The following BBX variants were observed in gnomAD, a reference collection of about 807,000 sequenced individuals.
BBX encodes the protein HMG box transcription factor BBX.
Under a neutral mutation model 100.2 loss-of-function variants are expected in BBX, and 30 were observed. The observed-to-expected ratio is 0.30, with a 90% confidence interval of 0.22 to 0.41. The LOEUF is 0.41. Among genes scored for constraint, BBX ranks in the 10% least tolerant of loss-of-function variants. The pLI is 1.00. For missense variants in BBX, 1,023 were observed against 1,129.8 expected, an observed-to-expected ratio of 0.91 and a Z score of 1.35; for synonymous variants, 376 against 388.1, an observed-to-expected ratio of 0.97 and a Z score of 0.37.
rs141192440 is a variant in BBX, at chr3:107,781,920, T to C, written c.2203+3401T>C. On this transcript the variant is annotated intron_variant, in intron 13 of 17. Transcript: ENST00000325805. ...GAATAAAAGAAGCAGGTTTACAAGA[T>C]TGAAAAGACAGAATCCTCTGTTTGA... is the stretch of plus-strand genomic sequence containing the variant. Among the ~76,000 whole-genome samples, 950 of 152,248 alleles carry C rather than the reference T, an allele frequency of 6.2e-3. 9 individuals are homozygous for C. The highest frequency in any genetic ancestry group is 0.022 in the African/African-American group (896 of 41,570).
chr3:107,797,335 C>G (rs1380143698), intron 15 of BBX, among the ~76,000 whole-genome samples: 1 of 40,188 alleles, frequency 2.5e-5, no homozygotes, highest in Non-Finnish European at 3.9e-5. Flanking sequence ...GCTTTTCTTC[C>G]AAATATATAT....
chr3:107,624,525 T>G (rs2056026566), intron 2 of BBX, among the ~76,000 whole-genome samples: 1 of 152,228 alleles, frequency 6.6e-6, no homozygotes, highest in Admixed American at 6.5e-5. Context: ...ACTAAAAATG[T>G]ATAACATATT....
chr3:107,612,607 T>A (rs2054923178), intron 2 of BBX, among the ~76,000 whole-genome samples: 2 of 152,172 alleles, frequency 1.3e-5, no homozygotes. Flanking sequence ...GGAATCTCTT[T>A]GTCTATGCTG....
intron 13 of BBX, among the ~76,000 whole-genome samples, chr3:107,788,376 G>A (rs2068648909): frequency 6.6e-6 from 1 of 152,180 alleles, no homozygotes; most frequent in Admixed American, 6.5e-5. Flanking sequence ...TACAGGAACA[G>A]CCTGGTGCAA....
intron 2 of BBX, among the ~76,000 whole-genome samples, chr3:107,543,319 T>G (rs1405243365): frequency 6.6e-6 from 1 of 152,238 alleles, no homozygotes; most frequent in Non-Finnish European, 1.5e-5. Context: ...GTTTGGTGTT[T>G]TGCTGTAGAA....
intron 15 of BBX, among the ~76,000 whole-genome samples, chr3:107,796,733 A>AG (rs1214622602): frequency 6.6e-6 from 1 of 152,160 alleles, no homozygotes; most frequent in Non-Finnish European, 1.5e-5. Context: ...AAAAAAAAAA[A>AG]ACTTAAAATA....
chr3:107,638,407 G>A (rs1349664977), intron 2 of BBX: 1 of 152,096 alleles, frequency 6.6e-6, no homozygotes, highest in East Asian at 1.9e-4. Flanking sequence ...TTGTCCCAAG[G>A]ATAACTGCTT....
chr3:107,584,080 TATATATATC>T (rs1576391337), intron 2 of BBX, among the ~76,000 whole-genome samples: 3 of 25,022 alleles, frequency 1.2e-4, no homozygotes, highest in East Asian at 5.1e-4. Context: ...TTATATATAT[TATATATATC>T]ATATATTATA....
chr3:107,678,802 A>G, intron 3 of BBX, among the ~76,000 whole-genome samples: 1 of 152,190 alleles, frequency 6.6e-6, no homozygotes. Flanking sequence ...ATTAATTATG[A>G]TGATAATGAT....
At chr3:107,567,374 AG>A (rs66926569) in intron 2 of BBX, among the ~76,000 whole-genome samples, 2,350 of 152,134 alleles carry the variant, frequency 0.015, 65 homozygotes, top group African/African-American at 0.055. Context: ...GTGATTGTCA[AG>A]TTGTGTTATG....
chr3:107,711,056 C>T (rs1317899894), intron 4 of BBX, among the ~76,000 whole-genome samples: 1 of 152,184 alleles, frequency 6.6e-6, no homozygotes, highest in Non-Finnish European at 1.5e-5. Flanking sequence ...GCTGCACTTG[C>T]CCCCAGTCTT....
At chr3:107,539,166 G>T (rs1453826876) in intron 2 of BBX, among the ~76,000 whole-genome samples, 1 of 152,068 alleles carries the variant, frequency 6.6e-6, no homozygotes, top group Non-Finnish European at 1.5e-5. Context: ...GTAATTCTGG[G>T]TTCAATGTAT....
intron 3 of BBX, among the ~76,000 whole-genome samples, chr3:107,706,081 G>A (rs1221797201): frequency 6.9e-6 from 1 of 145,662 alleles, no homozygotes; most frequent in Non-Finnish European, 1.5e-5. Context: ...GGAGTGCAGT[G>A]GCATAATCTC....
chr3:107,712,418 C>T (rs561049766), intron 4 of BBX, among the ~76,000 whole-genome samples: 5 of 152,258 alleles, frequency 3.3e-5, no homozygotes, highest in African/African-American at 9.6e-5. Context: ...TTTCTTCTCC[C>T]AACCTTCTCC....
At chr3:107,803,841 TCC>T (rs1270718950) in intron 17 of BBX, among the ~76,000 whole-genome samples, 1 of 152,150 alleles carries the variant, frequency 6.6e-6, no homozygotes, top group Non-Finnish European at 1.5e-5. Context: ...CATAGTCCTC[TCC>T]CACTGTGATT....
chr3:107,672,489 T>A (rs1267334704), intron 3 of BBX, among the ~76,000 whole-genome samples: 1 of 152,014 alleles, frequency 6.6e-6, no homozygotes, highest in Non-Finnish European at 1.5e-5. Flanking sequence ...AAGTGTGTAT[T>A]TTTGAAGCTG....
chr3:107,580,024 T>C (rs1379604875), intron 2 of BBX, among the ~76,000 whole-genome samples: 1 of 152,136 alleles, frequency 6.6e-6, no homozygotes, highest in Non-Finnish European at 1.5e-5. Context: ...AACTTTGGAT[T>C]GTACTTGAGA....
chr3:107,750,946 G>A (rs2065030584), intron 9 of BBX, among the ~76,000 whole-genome samples: 1 of 152,210 alleles, frequency 6.6e-6, no homozygotes, highest in Non-Finnish European at 1.5e-5. Context: ...CTAGAAGGCT[G>A]TTTACACACA....
intron 14 of BBX, among the ~76,000 whole-genome samples, chr3:107,790,958 T>C (rs956588232): frequency 6.6e-6 from 1 of 152,194 alleles, no homozygotes; most frequent in African/African-American, 2.4e-5. Flanking sequence ...GCTTTTTTCA[T>C]TCCGTTTTAC....
Sources: allele counts gnomAD v4.1 joint callset (sites outside exome capture counted in the v4.1 genomes callset), GRCh38; gene constraint gnomAD v4.1.1; transcripts MANE v1.5; gene names NCBI Gene and HGNC (gene_info 2026-07-23, HGNC 2026-07-21).